Variants in STAMBPL1 observed in about 807,000 individuals in gnomAD.
STAMBPL1 encodes AMSH-like protease.
In STAMBPL1, 44 loss-of-function variants were observed where a neutral mutation model predicts 52.9. That is an observed-to-expected ratio of 0.83 (90% CI 0.65 to 1.07). STAMBPL1 has a LOEUF of 1.07. Among genes scored for constraint, STAMBPL1 ranks in the 50% least tolerant of loss-of-function variants. The pLI is 0.00. For synonymous variants in STAMBPL1, 164 were observed against 177.3 expected (o/e 0.92, Z 0.60); for missense variants, 511 against 520.8 (o/e 0.98, Z 0.18).
At chr10:88,912,139 C>T (rs901970665) in intron 5 of STAMBPL1, among the ~76,000 whole-genome samples, 1 of 152,138 alleles carries the variant, frequency 6.6e-6, no homozygotes, top group Admixed American at 6.5e-5. Flanking sequence ...CTTGCTTCAC[C>T]AGCATTAGCA....
chr10:88,917,852 G>C (rs1436877073), intron 8 of STAMBPL1, among the ~76,000 whole-genome samples: 1 of 152,154 alleles, frequency 6.6e-6, no homozygotes, highest in Non-Finnish European at 1.5e-5. Context: ...CAAGGCACCA[G>C]CATTGATGTC....
intron 1 of STAMBPL1, among the ~76,000 whole-genome samples, chr10:88,880,955 C>G (rs993845234): frequency 6.6e-6 from 1 of 152,104 alleles, no homozygotes; most frequent in Non-Finnish European, 1.5e-5. Context: ...GTGACCTATA[C>G]GTGGGTGCGC....
At chr10:88,895,411 G>A (rs2133145962) in intron 1 of STAMBPL1, among the ~76,000 whole-genome samples, 1 of 152,332 alleles carries the variant, frequency 6.6e-6, no homozygotes, top group East Asian at 1.9e-4. Context: ...AGTAGTGGTG[G>A]CTAGGGGATA....
At chr10:88,881,038 C>G (rs985925881) in intron 1 of STAMBPL1, among the ~76,000 whole-genome samples, 1 of 151,894 alleles carries the variant, frequency 6.6e-6, no homozygotes, top group Non-Finnish European at 1.5e-5. Flanking sequence ...ACTGCACTGT[C>G]TCTAGCGGCG....
At chr10:88,891,184 A>G (rs11592736) in intron 1 of STAMBPL1, among the ~76,000 whole-genome samples, 57 of 152,242 alleles carry the variant, frequency 3.7e-4, no homozygotes, top group Non-Finnish European at 7.8e-4. Context: ...AAAAATGACT[A>G]ACCACAGAAG....
rs142109544 is a variant in STAMBPL1, at chr10:88,910,845, T to A, written c.325-71T>A. On this transcript the variant is annotated intron_variant, in intron 4 of 10. Coordinates refer to ENST00000371926, the MANE Select transcript of STAMBPL1 (RefSeq NM_020799.4). ...GCAGTATACCTACCAGCTGTTTTTC[T>A]TTCTCACCTGATGATCTGAAAGAGT... is the stretch of plus-strand genomic sequence containing the variant. 9,829 of 1,135,526 alleles carry A rather than the reference T, an allele frequency of 8.7e-3. 100 individuals are homozygous for A. The highest frequency in any genetic ancestry group is 0.011 in the Middle Eastern group (48 of 4,404). 70.3% of individuals were successfully genotyped at this position (1,135,526 alleles called of 1,614,324 possible).
At chr10:88,922,483 G>GC (rs376352298) in intron 10 of STAMBPL1, 47 bp downstream of exon 10, 66 of 1,547,854 alleles carry the variant, frequency 4.3e-5, no homozygotes, top group Admixed American at 6.8e-5. Context: ...CTTGTTCACT[G>GC]CCCCCCCAAT....
intron 10 of STAMBPL1, 29 bp downstream of exon 10, chr10:88,922,465 A>G: frequency 1.9e-6 from 3 of 1,606,452 alleles, no homozygotes; most frequent in Non-Finnish European, 2.6e-6. Flanking sequence ...TTATTTTTCC[A>G]GGTATTTCTT....
chr10:88,908,899 C>A, intron 4 of STAMBPL1, 122 bp downstream of exon 4: 2 of 747,376 alleles, frequency 2.7e-6, no homozygotes, highest in South Asian at 4.8e-5. Context: ...GAAATTCATT[C>A]CATTAACTAT....
At chr10:88,910,145 A>T (rs868312950) in intron 4 of STAMBPL1, among the ~76,000 whole-genome samples, 3 of 152,200 alleles carry the variant, frequency 2.0e-5, no homozygotes, top group Non-Finnish European at 2.9e-5. Context: ...TAGATATATG[A>T]ATAAATACAT....
At chr10:88,895,219 T>C (rs1189858710) in intron 1 of STAMBPL1, among the ~76,000 whole-genome samples, 3 of 152,196 alleles carry the variant, frequency 2.0e-5, no homozygotes, top group Non-Finnish European at 4.4e-5. Flanking sequence ...AAAAGGCATA[T>C]ATTCCCTAGG....
At position 88,905,450 on chromosome 10, in the gene STAMBPL1, T is replaced by C. The variant is rs1845048094; in HGVS notation, c.38T>C (p.Leu13Ser). The C allele has an allele frequency of 6.2e-7, 1 of 1,614,008 alleles. No homozygotes were observed. Among genetic ancestry groups the C allele is most frequent in the Non-Finnish European group, 8.5e-7 (1 of 1,179,924 alleles). The change falls in exon 3 of 11, where the codon TTA (leucine) becomes TCA (serine). Residue 13 changes from leucine (L) to serine (S), a missense_variant. This residue lies in a region of STAMBPL1 where 358 missense variants were observed against 343.5 expected (regional missense o/e 1.04). Transcript: ENST00000371926. Reference protein sequence around the residue: ...QPFTVNSLKKLAAMPDHTDVS... With the variant: ...QPFTVNSLKKSAAMPDHTDVS... Reference sequence around the variant, plus strand: ...TTAAATTTTGCTTTGCAGAAAAAGTTAGCTGCTATGCCTGACCATACAGAT... The same window carrying C: ...TTAAATTTTGCTTTGCAGAAAAAGTCAGCTGCTATGCCTGACCATACAGAT...
At chr10:88,891,393 AAAATAG>A (rs1375889217) in intron 1 of STAMBPL1, among the ~76,000 whole-genome samples, 1 of 152,208 alleles carries the variant, frequency 6.6e-6, no homozygotes, top group African/African-American at 2.4e-5. Context: ...TATAGAAGGA[AAAATAG>A]AAATAGAAAA....
At chr10:88,917,010 A>AT (rs1845388980) in intron 8 of STAMBPL1, among the ~76,000 whole-genome samples, 193 bp downstream of exon 8, 2 of 152,284 alleles carry the variant, frequency 1.3e-5, no homozygotes, top group Admixed American at 1.3e-4. Flanking sequence ...AAAGGTCATC[A>AT]TATTATAGCA....
At chr10:88,897,248 C>T (rs1385656442) in intron 1 of STAMBPL1, among the ~76,000 whole-genome samples, 1 of 152,218 alleles carries the variant, frequency 6.6e-6, no homozygotes, top group Non-Finnish European at 1.5e-5. Flanking sequence ...CTGGGAGCTA[C>T]TTGTTAGCTG....
intron 4 of STAMBPL1, among the ~76,000 whole-genome samples, chr10:88,909,432 A>G (rs534937741): frequency 4.6e-5 from 7 of 152,300 alleles, no homozygotes; most frequent in Non-Finnish European, 8.8e-5. Context: ...TTGGTCTTAT[A>G]TGAAGGAAGA....
intron 1 of STAMBPL1, chr10:88,882,998 A>G (rs548584355): frequency 1.4e-5 from 2 of 143,238 alleles, no homozygotes; most frequent in African/African-American, 5.2e-5. Flanking sequence ...TCGTAATGCT[A>G]TCTCTCCCCC....
intron 1 of STAMBPL1, among the ~76,000 whole-genome samples, chr10:88,890,784 T>G (rs2133130473): frequency 6.6e-6 from 1 of 152,322 alleles, no homozygotes; most frequent in South Asian, 2.1e-4. Flanking sequence ...AGTTCTATGG[T>G]TTTTCCTCAG....
intron 1 of STAMBPL1, among the ~76,000 whole-genome samples, chr10:88,900,024 T>C (rs1844906296): frequency 6.6e-6 from 1 of 152,232 alleles, no homozygotes; most frequent in Non-Finnish European, 1.5e-5. Context: ...ACTCAGCTTC[T>C]AAACTACACT....
Sources: gnomAD v4.1 joint callset for allele counts (sites outside exome capture counted in the v4.1 genomes callset) on GRCh38, gnomAD v4.1.1 for gene constraint, gnomAD v4.1.1 regional missense constraint, MANE v1.5 for transcripts, NCBI Gene and HGNC (gene_info 2026-07-23, HGNC 2026-07-21) for gene names.